RBFOX1: variants seen among roughly 807,000 people sequenced by gnomAD.
The protein encoded by RBFOX1 is RNA binding protein fox-1 homolog 1.
In RBFOX1, 8 loss-of-function variants were observed where a neutral mutation model predicts 57.7. The ratio of observed to expected loss-of-function variants is 0.14; its 90% CI spans 0.08 to 0.25. The LOEUF is 0.25. Ranked by LOEUF, RBFOX1 falls within the 10% of genes least tolerant of loss-of-function variation. The pLI, the probability that RBFOX1 is intolerant of heterozygous loss-of-function variation, is 1.00. For missense variants in RBFOX1, 611 were observed against 548.5 expected (o/e 1.11, Z -1.14); for synonymous variants, 326 against 222.4 (o/e 1.47, Z -4.15).
intron 4 of RBFOX1, among the ~76,000 whole-genome samples, chr16:6,000,524 A>G (rs565275415): frequency 6.6e-6 from 1 of 152,272 alleles, no homozygotes; most frequent in South Asian, 2.1e-4. Context: ...CTTGTACGCA[A>G]AATAAGGGCG....
rs71386513 is a variant in RBFOX1 at position 5,657,732 on chromosome 16, C to CTTTTTTTTTTTTTTTTTTTTTTTT, written c.318+58775_318+58776insTTTTTTTTTTTTTTTTTTTTTTTT. Among the ~76,000 whole-genome samples the CTTTTTTTTTTTTTTTTTTTTTTTT allele has an allele frequency of 2.0e-5, 2 of 98,352 alleles. 1 individual carries two copies. The allele number at this position is 98,352 out of a possible 152,430, so 64.5% of individuals were successfully genotyped here. A position where few individuals can be genotyped will look rare whatever the true frequency, so the allele number is the denominator to read the frequency against. ...TTTCTCTCTTTCTTTTGTTTCTTTT[C>CTTTTTTTTTTTTTTTTTTTTTTTT]TTTTCTTTTTTTTTTTTTGAGACAG... is the stretch of plus-strand genomic sequence containing the variant. On this transcript the variant is annotated intron_variant, in intron 3 of 19. Coordinates refer to the RBFOX1 transcript ENST00000641259.
At chr16:6,162,342 T>C (rs2152746978) in intron 1 of RBFOX1, among the ~76,000 whole-genome samples, 1 of 152,306 alleles carries the variant, frequency 6.6e-6, no homozygotes, top group Non-Finnish European at 1.5e-5. Context: ...CTCAAACTCC[T>C]GGCCTTATGT....
In RBFOX1 at chr16:5,734,119, T is replaced by C. The variant is rs145104700; in HGVS notation, c.319-133184T>C. On this transcript the variant is annotated intron_variant, in intron 3 of 19. Coordinates refer to the RBFOX1 transcript ENST00000641259. ...TCCTTACGCCCTACCTGGTTTCATG[T>C]TCTTCTCCTTACCTGTTGGGTCTCT... Among the ~76,000 whole-genome samples, 114 of 152,292 alleles carry C rather than the reference T, an allele frequency of 7.5e-4. 1 individual carries two copies. The highest frequency in any genetic ancestry group is 6.8e-3 in the Middle Eastern group (2 of 294).
chr16:5,854,570 A>C (rs1292160378), intron 3 of RBFOX1, among the ~76,000 whole-genome samples: 1 of 134,464 alleles, frequency 7.4e-6, no homozygotes, highest in Non-Finnish European at 1.5e-5. Context: ...CCCCCCACAC[A>C]CAAGCACACA....
At chr16:7,488,114 C>A (rs370128811) in intron 4 of RBFOX1, among the ~76,000 whole-genome samples, 2 of 152,130 alleles carry the variant, frequency 1.3e-5, no homozygotes, top group Non-Finnish European at 2.9e-5. Flanking sequence ...GGCTGGAGTG[C>A]TAATCCTCTT....
chr16:7,332,976 G>T, intron 4 of RBFOX1: 1 of 1,613,180 alleles, frequency 6.2e-7, no homozygotes, highest in South Asian at 1.1e-5. Context: ...TTGAGCTTCA[G>T]AGGGAATAAT....
intron 3 of RBFOX1, among the ~76,000 whole-genome samples, chr16:6,869,807 T>G (rs1390694847): frequency 2.0e-5 from 3 of 152,108 alleles, no homozygotes; most frequent in African/African-American, 7.2e-5. Flanking sequence ...TTAATTCTGG[T>G]TGGTTTTGAA....
At chr16:5,446,192 C>G (rs1419044733) in intron 1 of RBFOX1, among the ~76,000 whole-genome samples, 2 of 151,836 alleles carry the variant, frequency 1.3e-5, no homozygotes, top group African/African-American at 4.8e-5. Flanking sequence ...CAATAGGAGT[C>G]TAGAAACTGA....
At chr16:6,992,461 G>GCACCCC (rs1215217453) in intron 3 of RBFOX1, among the ~76,000 whole-genome samples, 12 of 152,056 alleles carry the variant, frequency 7.9e-5, no homozygotes, top group African/African-American at 2.9e-4. Context: ...CACGTGATCT[G>GCACCCC]CCTTGGCCTC....
At chr16:6,831,537 G>A (rs915505010) in intron 3 of RBFOX1, among the ~76,000 whole-genome samples, 2 of 152,096 alleles carry the variant, frequency 1.3e-5, no homozygotes, top group African/African-American at 4.8e-5. Context: ...TTTCACCTCT[G>A]AACATTACAT....
chr16:5,437,049 G>A (rs974142601), intron 1 of RBFOX1, among the ~76,000 whole-genome samples: 2 of 152,130 alleles, frequency 1.3e-5, no homozygotes, highest in African/African-American at 4.8e-5. Flanking sequence ...CTTTCTGATG[G>A]GTTAATCCTC....
chr16:7,145,617 G>C (rs937524059), intron 4 of RBFOX1, among the ~76,000 whole-genome samples: 3 of 152,134 alleles, frequency 2.0e-5, no homozygotes, highest in African/African-American at 7.2e-5. Flanking sequence ...GGTTATGTTA[G>C]TGGGGGTATT....
At chr16:6,427,497 A>G (rs1486882342) in intron 2 of RBFOX1, among the ~76,000 whole-genome samples, 3 of 152,198 alleles carry the variant, frequency 2.0e-5, no homozygotes, top group Non-Finnish European at 4.4e-5. Flanking sequence ...TACCAGTATG[A>G]AGCAGAAAAA....
intron 4 of RBFOX1, among the ~76,000 whole-genome samples, chr16:7,193,673 G>A (rs548538172): frequency 3.3e-5 from 5 of 152,284 alleles, no homozygotes; most frequent in South Asian, 4.1e-4. Context: ...TAACTTGCTC[G>A]CTGTCACAGA....
chr16:7,159,480 C>G lies in RBFOX1; in HGVS notation c.27+107382C>G, dbSNP rs572232622. Among the ~76,000 whole-genome samples the G allele has an allele frequency of 1.1e-3, 166 of 152,262 alleles. 1 individual carries two copies. The highest frequency in any genetic ancestry group is 3.8e-3 in the African/African-American group (157 of 41,562). On this transcript the variant is annotated intron_variant, in intron 4 of 15. Transcript: ENST00000550418. ...TTCAGAAGGGTCATGAGGGCTGTCA[C>G]TAAGGGGACTAGTGATAGGCTGGAA...
chr16:5,270,790 A>G, intron 1 of RBFOX1: 1 of 458,188 alleles, frequency 2.2e-6, no homozygotes, highest in Non-Finnish European at 4.2e-6. Flanking sequence ...TATCCTCTCC[A>G]TGATGTCTTC....
rs376599002 is a variant in RBFOX1, at chr16:5,279,399, A to G, written c.219+39294A>G. Among the ~76,000 whole-genome samples, 145 of 152,006 alleles carry G rather than the reference A, an allele frequency of 9.5e-4. 4 individuals carry two copies. The South Asian group carries it at 0.028, about 30-fold the overall frequency. ...GAATTTCTTCCTTGATTTCTTTTTT[A>G]GCTAGTTTGTTAGTGGTATATAGAA... On this transcript the variant is annotated intron_variant, in intron 1 of 2. Transcript: ENST00000585867.
intron 4 of RBFOX1, among the ~76,000 whole-genome samples, chr16:7,450,518 G>A (rs969737196): frequency 3.3e-5 from 5 of 151,344 alleles, no homozygotes; most frequent in African/African-American, 9.7e-5. Context: ...AACGGCCCCC[G>A]ACTCCCACTT....
intron 4 of RBFOX1, among the ~76,000 whole-genome samples, chr16:7,118,601 C>G (rs1055599413): frequency 6.6e-6 from 1 of 152,146 alleles, no homozygotes; most frequent in African/African-American, 2.4e-5. Context: ...CTTATATAAT[C>G]ACATACATGT....
Sources: gnomAD v4.1 joint callset for allele counts (sites outside exome capture counted in the v4.1 genomes callset) on GRCh38, gnomAD v4.1.1 for gene constraint, MANE v1.5 for transcripts, NCBI Gene and HGNC (gene_info 2026-07-23, HGNC 2026-07-21) for gene names.